FOXK1: variants seen among roughly 807,000 people sequenced by gnomAD.
The protein encoded by FOXK1 is forkhead box protein K1.
In FOXK1, 19 loss-of-function variants were observed where a neutral mutation model predicts 51.9. The observed-to-expected ratio is 0.37, with a 90% CI of 0.26 to 0.54. The LOEUF (loss-of-function observed/expected upper bound fraction) is 0.54, where lower values mean the gene tolerates loss of function less well. FOXK1 is among the 20% of genes least tolerant of loss of function. FOXK1 has a pLI of 0.87. For missense variants in FOXK1, 870 were observed against 1,032.7 expected, an observed-to-expected ratio of 0.84 and a Z score of 2.16; for synonymous variants, 537 against 482.6, an observed-to-expected ratio of 1.11 and a Z score of -1.48.
In FOXK1 at chr7:4,759,350, C is replaced by G; in HGVS notation, c.1451C>G (p.Pro484Arg). The change falls in exon 7 of 9, where the codon CCT becomes CGT. Residue 484 changes from proline (P) to arginine (R), a missense_variant. Physicochemically the swap from Pro to Arg is moderately radical, Grantham distance 103 (BLOSUM62 -2). Around this residue, in one of 3 missense-constraint regions of FOXK1, gnomAD observed 457 missense variants for 510.8 expected, o/e 0.89. Transcript: ENST00000328914. ...VSAQPVIMAVPPRPSSLVAKP... is the reference protein window; with the variant it reads ...VSAQPVIMAVRPRPSSLVAKP... ...GCCCAGCCAGTGATCATGGCCGTGC[C>G]TCCCCGACCGTCCAGCCTCGTGGCC... 6.2e-7 allele frequency: 1 copy of G among 1,602,162 alleles called. No individual in the cohort carries two copies. The highest frequency in any genetic ancestry group is 8.5e-7 in the Non-Finnish European group (1 of 1,179,120).
rs1562395837 is a variant in FOXK1, at chr7:4,767,548, T to TC, written c.*5085dup. ...TGTGCTGCTATGAAGACAGGATTAG[T>TC]CTGTAGACGGGACTCAGCTCCAGAG... is the stretch of plus-strand genomic sequence containing the variant. On this transcript the variant is annotated 3_prime_UTR_variant, in exon 9 of 9. Transcript: ENST00000328914. The surrounding 1 kb of genome is among the most constrained non-coding windows in gnomAD (Gnocchi z 6.6). The TC allele has an allele frequency of 6.6e-6, 1 of 152,278 alleles. No individual in the cohort carries two copies. The highest frequency in any genetic ancestry group is 1.5e-5 in the Non-Finnish European group (1 of 68,050). The allele number at this position is 152,278 out of a possible 1,614,324, so 9.4% of individuals were successfully genotyped here.
chr7:4,700,401 G>C (rs1024467714), intron 1 of FOXK1, among the ~76,000 whole-genome samples: 9 of 152,246 alleles, frequency 5.9e-5, no homozygotes, highest in African/African-American at 2.2e-4. Flanking sequence ...CTTTTGCTGA[G>C]TGCCCTTGGG....
In FOXK1 at chr7:4,745,756, G is replaced by T. The variant is rs6463019; in HGVS notation, c.746+4733G>T. ...CCATCTCTACTGAAAATACAAAAAT[G>T]AGCCAGGTGTGTAATCCAAGCTACT... On this transcript the variant is annotated intron_variant, in intron 2 of 8. Coordinates refer to ENST00000328914, the MANE Select transcript of FOXK1 (RefSeq NM_001037165.2). The surrounding 1 kb of genome is among the most constrained non-coding windows in gnomAD (Gnocchi z 4.3). Among the ~76,000 whole-genome samples, 86,189 of 151,526 alleles carry T rather than the reference G, an allele frequency of 0.57. 25,140 individuals carry two copies. Among genetic ancestry groups the T allele is most frequent in the East Asian group, 0.85 (4,378 of 5,142 alleles).
chr7:4,746,084 A>C (rs1397525933), intron 2 of FOXK1, among the ~76,000 whole-genome samples: 1 of 152,162 alleles, frequency 6.6e-6, no homozygotes, highest in Non-Finnish European at 1.5e-5. Context: ...AGACTTCAAG[A>C]GCTGTTTCTC....
At position 4,761,268 on chromosome 7, in the gene FOXK1, G is replaced by A. The variant is rs1453070201; in HGVS notation, c.1901G>A (p.Ser634Asn). The A allele has an allele frequency of 1.2e-6, 2 of 1,612,688 alleles. No homozygotes were observed. Among genetic ancestry groups the A allele is most frequent in the Non-Finnish European group, 1.7e-6 (2 of 1,180,024 alleles). Residue 634 changes from serine to asparagine, a missense_variant, in exon 8 of 9, where the codon AGT becomes AAT. Around this residue, in one of 3 missense-constraint regions of FOXK1, gnomAD observed 457 missense variants for 510.8 expected, o/e 0.89. Coordinates refer to ENST00000328914, the MANE Select transcript of FOXK1 (RefSeq NM_001037165.2). The surrounding 1 kb of genome is among the most constrained non-coding windows in gnomAD (Gnocchi z 6.2). ...GGAAAGCATGCGGTTCCCACGAACA[G>A]TTTAGCCGGCAACGCTTACGGTGAG... ...QNGKHAVPTN[S>N]LAGNAYALTS... is the part of the protein sequence containing the mutation.
At chr7:4,688,109 G>A (rs1299717656) in intron 1 of FOXK1, among the ~76,000 whole-genome samples, 1 of 151,906 alleles carries the variant, frequency 6.6e-6, no homozygotes, top group Non-Finnish European at 1.5e-5. Context: ...CATGGCTGTG[G>A]CCGGCTTCAG....
chr7:4,761,263 G>T lies in FOXK1; in HGVS notation c.1896G>T (p.Thr632=). The T allele has an allele frequency of 6.2e-7, 1 of 1,612,766 alleles. No individual in the cohort carries two copies. The stretch of plus-strand genomic sequence containing the variant: ...AGAACGGAAAGCATGCGGTTCCCAC[G>T]AACAGTTTAGCCGGCAACGCTTACG... The part of the protein sequence containing the change: ...VTQNGKHAVP[T]NSLAGNAYAL... The change falls in exon 8 of 9, where the codon ACG becomes ACT. Residue 632 remains threonine, a synonymous_variant. Transcript: ENST00000328914. The surrounding 1 kb of genome is among the most constrained non-coding windows in gnomAD (Gnocchi z 6.2).
intron 1 of FOXK1, among the ~76,000 whole-genome samples, chr7:4,685,046 A>G (rs958209759): frequency 3.3e-5 from 5 of 151,652 alleles, no homozygotes; most frequent in African/African-American, 1.2e-4. Context: ...GGTGCATTAG[A>G]TGTGCGTGAA....
At chr7:4,754,679 G>A (rs1227622662) in intron 3 of FOXK1, 64 bp downstream of exon 3, 49 of 1,539,018 alleles carry the variant, frequency 3.2e-5, no homozygotes, top group Non-Finnish European at 3.9e-5. Context: ...GTGACCCGGC[G>A]CGGGCGGCAC....
rs369291043 is a variant in FOXK1 at position 4,731,269 on chromosome 7, G to A, written c.561-9569G>A. Reference sequence around the variant, plus strand: ...CTTGGGGGCCTGGGCCCTGCGGGACGTTTTCCCCCTGCCTCAGAGCCAAAC... The same window carrying A: ...CTTGGGGGCCTGGGCCCTGCGGGACATTTTCCCCCTGCCTCAGAGCCAAAC... On this transcript the variant is annotated intron_variant, in intron 1 of 8. Coordinates refer to ENST00000328914, the MANE Select transcript of FOXK1 (RefSeq NM_001037165.2). The surrounding 1 kb of genome is among the most constrained non-coding windows in gnomAD (Gnocchi z 5.3). 7.2e-5 allele frequency among the ~76,000 whole-genome samples: 11 copies of A among 152,222 alleles called. No individual in the cohort carries two copies. The highest frequency in any genetic ancestry group is 2.1e-4 in the South Asian group (1 of 4,834).
Position 4,715,077 on chromosome 7 carries a change from A to G in FOXK1, c.561-25761A>G, listed in dbSNP as rs565872989. 6.6e-6 allele frequency among the ~76,000 whole-genome samples: 1 copy of G among 152,288 alleles called. No individual in the cohort carries two copies. Among genetic ancestry groups the G allele is most frequent in the Non-Finnish European group, 1.5e-5 (1 of 68,036 alleles). ...TAGCTTTTCTGATCAGATGAGTTTC[A>G]CGGCTTTAGTACAGAAAATATTCAA... On this transcript the variant is annotated intron_variant, in intron 1 of 8. Transcript: ENST00000328914. This position sits in a 1 kb window ranked among gnomAD's most constrained non-coding sequence, Gnocchi z 4.5.
chr7:4,761,549 A>G lies in FOXK1; in HGVS notation c.1921+261A>G, dbSNP rs932763344. On this transcript the variant is annotated intron_variant, in intron 8 of 8. Transcript: ENST00000328914. This position sits in a 1 kb window ranked among gnomAD's most constrained non-coding sequence, Gnocchi z 6.2. ...TCGAGACCAGCCCGGGCAACATAGCAAGACCCCATCTCTACATAAGATTCA... is the reference window on the plus strand; with the variant it reads ...TCGAGACCAGCCCGGGCAACATAGCGAGACCCCATCTCTACATAAGATTCA... Among the ~76,000 whole-genome samples the G allele has an allele frequency of 5.3e-5, 8 of 152,128 alleles. No individual in the cohort carries two copies. The highest frequency in any genetic ancestry group is 1.2e-4 in the African/African-American group (5 of 41,424).
intron 1 of FOXK1, among the ~76,000 whole-genome samples, chr7:4,726,085 G>T (rs756641997): frequency 6.6e-6 from 1 of 152,026 alleles, no homozygotes; most frequent in Admixed American, 6.6e-5. Flanking sequence ...GCATTTGGGG[G>T]CTCTCTTGAG....
At chr7:4,732,420 G>A (rs1780490003) in intron 1 of FOXK1, among the ~76,000 whole-genome samples, 1 of 152,130 alleles carries the variant, frequency 6.6e-6, no homozygotes, top group Non-Finnish European at 1.5e-5. Flanking sequence ...AGCCTCCCAA[G>A]TAGTTGGGAC....
At chr7:4,701,936 A>ATGG (rs1445064434) in intron 1 of FOXK1, among the ~76,000 whole-genome samples, 1 of 152,022 alleles carries the variant, frequency 6.6e-6, no homozygotes, top group East Asian at 1.9e-4. Context: ...TTATCTGGGC[A>ATGG]TGGTGGTGCT....
chr7:4,711,197 T>C lies in FOXK1; in HGVS notation c.560+28329T>C, dbSNP rs1780169548. Among the ~76,000 whole-genome samples, 2 of 152,262 alleles carry C rather than the reference T, an allele frequency of 1.3e-5. No homozygotes were observed. Among genetic ancestry groups the C allele is most frequent in the South Asian group, 4.1e-4 (2 of 4,832 alleles). On this transcript the variant is annotated intron_variant, in intron 1 of 8. Coordinates refer to ENST00000328914, the MANE Select transcript of FOXK1 (RefSeq NM_001037165.2). The surrounding 1 kb of genome is among the most constrained non-coding windows in gnomAD (Gnocchi z 6.3). ...TTGCCCCGGGCAGCATGTGCCCAGC[T>C]CTGTTCAGGAAGCGTTGTGCTGGTG...
rs118003909 is a variant in FOXK1 at position 4,685,605 on chromosome 7, T to G, written c.560+2737T>G. Among the ~76,000 whole-genome samples the G allele has an allele frequency of 4.1e-4, 62 of 151,944 alleles. No homozygotes were observed. The East Asian group carries it at 9.9e-3, about 24-fold the overall frequency. On this transcript the variant is annotated intron_variant, in intron 1 of 8. Coordinates refer to ENST00000328914, the MANE Select transcript of FOXK1 (RefSeq NM_001037165.2). The stretch of plus-strand genomic sequence containing the variant: ...GTAGAACAGGCTGTCATAAACTTTT[T>G]TGGTTAGGTAAAGATTCTTAAGCCT...
intron 1 of FOXK1, among the ~76,000 whole-genome samples, chr7:4,737,787 A>G (rs1211802045): frequency 6.6e-6 from 1 of 152,180 alleles, no homozygotes; most frequent in Admixed American, 6.5e-5. Flanking sequence ...AACAGCCCCC[A>G]GGACTGAAGA....
intron 1 of FOXK1, among the ~76,000 whole-genome samples, chr7:4,695,135 A>G (rs1318311718): frequency 1.3e-5 from 2 of 152,220 alleles, no homozygotes; most frequent in African/African-American, 4.8e-5. Context: ...TGCCCTTGGG[A>G]TGGAGCCATT....
Sources: allele counts gnomAD v4.1 joint callset (sites outside exome capture counted in the v4.1 genomes callset), GRCh38; gene constraint gnomAD v4.1.1; regional missense constraint gnomAD v4.1.1; non-coding constraint Gnocchi (gnomAD v3.1); transcripts MANE v1.5; gene names NCBI Gene and HGNC (gene_info 2026-07-23, HGNC 2026-07-21).